Variants in PDXK observed in about 807,000 individuals in gnomAD.
The protein encoded by PDXK is epididymis secretory sperm binding protein Li 1a.
PDXK carries 15 observed loss-of-function variants against 43.2 expected under a neutral mutation model. The observed-to-expected ratio is 0.35, with a 90% CI of 0.23 to 0.53. The LOEUF is 0.53. Among genes scored for constraint, PDXK ranks in the 20% least tolerant of loss-of-function variants. PDXK has a pLI of 0.92. For synonymous variants in PDXK, 172 were observed against 165.4 expected (o/e 1.04, Z -0.31); for missense variants, 343 against 417.0 (o/e 0.82, Z 1.54).
At chr21:43,719,815 C>A in intron 1 of PDXK, 1 of 985,476 alleles carries the variant, frequency 1.0e-6, no homozygotes. Context: ...GCAGAAGCGG[C>A]CGTGGAGCTC....
intron 8 of PDXK, among the ~76,000 whole-genome samples, chr21:43,753,333 C>G (rs1020584887): frequency 6.6e-6 from 1 of 152,010 alleles, no homozygotes; most frequent in Non-Finnish European, 1.5e-5. Flanking sequence ...TCGTTACTCT[C>G]GGGAGTTTCA....
In PDXK at chr21:43,743,777, C is replaced by T; in HGVS notation, c.301C>T (p.Leu101=). 1 of 1,613,734 alleles carries T rather than the reference C, an allele frequency of 6.2e-7. No individual in the cohort carries two copies. The part of the protein sequence containing the change: ...LAMVVDIVQE[L]KQQNPRLVYV... ...CATGGTGGTGGACATTGTGCAGGAG[C>T]TGAAGCAGCAGAACCCCAGGCTGGT... Residue 101 remains leucine (L), a synonymous_variant, in exon 4 of 11, where the codon CTG becomes TTG. Coordinates refer to ENST00000291565, the MANE Select transcript of PDXK (RefSeq NM_003681.5).
In PDXK at chr21:43,723,181, G is replaced by T. The variant is rs2083222531; in HGVS notation, c.87+3800G>T. ...TCTTTTTTTTTTTTTTGAGACGAGG[G>T]TCTCACTCTGTCGCTCAGGCTGAAG... is the stretch of plus-strand genomic sequence containing the variant. On this transcript the variant is annotated intron_variant, in intron 1 of 10. Transcript: ENST00000291565. This position sits in a 1 kb window ranked among gnomAD's most constrained non-coding sequence, Gnocchi z 4.1. 6.7e-6 allele frequency among the ~76,000 whole-genome samples: 1 copy of T among 149,256 alleles called. No individual in the cohort carries two copies. Among genetic ancestry groups the T allele is most frequent in the African/African-American group, 2.5e-5 (1 of 40,378 alleles).
chr21:43,752,586 G>A lies in PDXK; in HGVS notation c.579G>A (p.Pro193=), dbSNP rs778009456. 36 of 1,612,848 alleles carry A rather than the reference G, an allele frequency of 2.2e-5. No homozygotes were observed. The highest frequency in any genetic ancestry group is 2.7e-5 in the African/African-American group (2 of 74,916). The part of the protein sequence containing the change: ...VVITSSDLPS[P]QGSNYLIVLG... The stretch of plus-strand genomic sequence containing the variant: ...TCACCAGCTCCGACCTGCCCTCCCC[G>A]CAGGGCAGCAACTACCTGATTGTGC... The change falls in exon 8 of 11, where the codon CCG becomes CCA. Residue 193 remains proline (P), a synonymous_variant. Transcript: ENST00000291565.
chr21:43,741,947 C>T (rs1373309376), intron 3 of PDXK, among the ~76,000 whole-genome samples, 176 bp downstream of exon 3: 1 of 152,062 alleles, frequency 6.6e-6, no homozygotes, highest in Non-Finnish European at 1.5e-5. Context: ...GGGTCCTGGC[C>T]ACACTATGCC....
At chr21:43,729,734 G>C (rs1267560111) in intron 1 of PDXK, among the ~76,000 whole-genome samples, 1 of 152,166 alleles carries the variant, frequency 6.6e-6, no homozygotes, top group Non-Finnish European at 1.5e-5. Flanking sequence ...GAGCCCCGGA[G>C]TTCAAGACCA....
At chr21:43,738,189 T>C in intron 2 of PDXK, 2 of 285,166 alleles carry the variant, frequency 7.0e-6, no homozygotes, top group Non-Finnish European at 1.1e-5. Context: ...CCATCAGGGC[T>C]CTGGGTGGGC....
rs1601802557 is a variant in PDXK at position 43,737,410 on chromosome 21, A to G, written c.142+3287A>G. The G allele has an allele frequency of 1.8e-6, 2 of 1,140,148 alleles. No homozygotes were observed. Among genetic ancestry groups the G allele is most frequent in the Non-Finnish European group, 2.2e-6 (2 of 923,022 alleles). 70.6% of individuals were successfully genotyped at this position (1,140,148 alleles called of 1,614,324 possible). ...GTGAGCTGGGCTTGGCAGAGCCTCC[A>G]CCTTGTGGCCAGTATTCCCAGTGGC... On this transcript the variant is annotated intron_variant, in intron 2 of 10. Transcript: ENST00000291565. This position sits in a 1 kb window ranked among gnomAD's most constrained non-coding sequence, Gnocchi z 4.8.
chr21:43,759,473 A>T lies in PDXK; in HGVS notation c.*3410A>T, dbSNP rs1419248223. The T allele has an allele frequency of 1.3e-5, 2 of 153,718 alleles. No individual in the cohort carries two copies. The highest frequency in any genetic ancestry group is 4.8e-5 in the African/African-American group (2 of 41,428). 9.5% of individuals were successfully genotyped at this position (153,718 alleles called of 1,614,324 possible). ...TGTCGGGGCAGCAGTGTCCATGTTT[A>T]TGGAGATCAGAGGTGTCCCCACTGT... On this transcript the variant is annotated 3_prime_UTR_variant, in exon 11 of 11. Coordinates refer to ENST00000291565, the MANE Select transcript of PDXK (RefSeq NM_003681.5).
At position 43,761,310 on chromosome 21, in the gene PDXK, A is replaced by G. The variant is rs2083928967; in HGVS notation, c.*5247A>G. The G allele has an allele frequency of 6.5e-6, 1 of 154,106 alleles. No individual in the cohort carries two copies. Among genetic ancestry groups the G allele is most frequent in the Non-Finnish European group, 1.5e-5 (1 of 68,918 alleles). 9.5% of individuals were successfully genotyped at this position (154,106 alleles called of 1,614,324 possible). A position where few individuals can be genotyped will look rare whatever the true frequency, so the allele number is the denominator to read the frequency against. ...GCGGGGCCATTTCTGGTCTTTGTCCAACAGGAAACCCATTTCTGGTGGGAT... is the reference window on the plus strand; with the variant it reads ...GCGGGGCCATTTCTGGTCTTTGTCCGACAGGAAACCCATTTCTGGTGGGAT... On this transcript the variant is annotated 3_prime_UTR_variant, in exon 11 of 11. Coordinates refer to ENST00000291565, the MANE Select transcript of PDXK (RefSeq NM_003681.5).
In PDXK at chr21:43,758,730, G is replaced by A. The variant is rs140440458; in HGVS notation, c.*2667G>A. 13 of 152,586 alleles carry A rather than the reference G, an allele frequency of 8.5e-5. No homozygotes were observed. In the East Asian group the frequency reaches 2.1e-3, roughly 25 times the overall value. 9.5% of individuals were successfully genotyped at this position (152,586 alleles called of 1,614,324 possible). A position where few individuals can be genotyped will look rare whatever the true frequency, so the allele number is the denominator to read the frequency against. On this transcript the variant is annotated 3_prime_UTR_variant, in exon 11 of 11. Transcript: ENST00000291565. ...AATAATGAGAAGAATTTATTTTAAG[G>A]TGACAGCTATACTGGTCCAACATCG...
At chr21:43,744,813 C>T (rs545972130) in intron 4 of PDXK, among the ~76,000 whole-genome samples, 1 of 152,310 alleles carries the variant, frequency 6.6e-6, no homozygotes, top group East Asian at 1.9e-4. Context: ...GTGCGTATTC[C>T]CACGTCTATA....
chr21:43,730,200 A>ACTGCAACCTCCGCCTCC (rs2083300157), intron 1 of PDXK, among the ~76,000 whole-genome samples: 1 of 152,058 alleles, frequency 6.6e-6, no homozygotes, highest in Admixed American at 6.6e-5. Context: ...GTCTTGGCTC[A>ACTGCAACCTCCGCCTCC]CTGCAACCTC....
intron 4 of PDXK, chr21:43,744,376 G>A (rs1470781490): frequency 6.2e-6 from 1 of 162,272 alleles, no homozygotes; most frequent in Non-Finnish European, 1.4e-5. Flanking sequence ...AAACCTTGCA[G>A]ACAGGCTCTC....
In PDXK at chr21:43,737,309, G is replaced by A. The variant is rs545397104; in HGVS notation, c.142+3186G>A. The A allele has an allele frequency of 2.4e-5, 33 of 1,385,598 alleles. 1 individual carries two copies. The South Asian group carries it at 4.5e-4, about 19-fold the overall frequency. 85.8% of individuals were successfully genotyped at this position (1,385,598 alleles called of 1,614,324 possible). A position where few individuals can be genotyped will look rare whatever the true frequency, so the allele number is the denominator to read the frequency against. On this transcript the variant is annotated intron_variant, in intron 2 of 10. Transcript: ENST00000291565. This position sits in a 1 kb window ranked among gnomAD's most constrained non-coding sequence, Gnocchi z 4.8. ...CCTCGCCGCCTCGAGGCTGCTGCTC[G>A]CACTTCTGCCCCTTCCCCCGGCCAG...
At chr21:43,749,372 T>G (rs1269989125) in intron 6 of PDXK, among the ~76,000 whole-genome samples, 2 of 152,278 alleles carry the variant, frequency 1.3e-5, no homozygotes, top group Non-Finnish European at 2.9e-5. Context: ...TCCAAAGTGC[T>G]GGGATTACAG....
intron 3 of PDXK, among the ~76,000 whole-genome samples, chr21:43,742,163 T>C (rs2083547267): frequency 6.6e-6 from 1 of 152,156 alleles, no homozygotes; most frequent in African/African-American, 2.4e-5. Context: ...AAAAAAATTG[T>C]ATTTGTATAC....
At chr21:43,755,471 GAGCAGGT>G (rs2083830905) in intron 9 of PDXK, 2 of 577,944 alleles carry the variant, frequency 3.5e-6, no homozygotes, top group Admixed American at 6.0e-5. Context: ...CTCTTGTCCA[GAGCAGGT>G]AGCTGGGACC....
chr21:43,741,801 A>AACCC, intron 3 of PDXK, 30 bp downstream of exon 3: 2 of 1,430,508 alleles, frequency 1.4e-6, no homozygotes, highest in Non-Finnish European at 2.0e-6. Context: ...GCCGCAGGGG[A>AACCC]CTACGCACCC....
Sources: gnomAD v4.1 joint callset for allele counts (sites outside exome capture counted in the v4.1 genomes callset) on GRCh38, gnomAD v4.1.1 for gene constraint, Gnocchi (gnomAD v3.1) non-coding constraint, MANE v1.5 for transcripts, NCBI Gene and HGNC (gene_info 2026-07-23, HGNC 2026-07-21) for gene names.